VOPP1: variants seen among roughly 807,000 people sequenced by gnomAD.
VOPP1 encodes the protein VOPP1 WW domain binding protein, also known as WW domain binding protein VOPP1.
In VOPP1, 8 loss-of-function variants were observed where a neutral mutation model predicts 23.5. The ratio of observed to expected loss-of-function variants is 0.34; its 90% CI spans 0.20 to 0.61. VOPP1 has a LOEUF of 0.61. Ranked by LOEUF, VOPP1 falls within the 20% of genes least tolerant of loss-of-function variation. The pLI is 0.78. For missense variants in VOPP1, 174 were observed against 238.1 expected (o/e 0.73, Z 1.77); for synonymous variants, 83 against 97.3 (o/e 0.85, Z 0.86).
intron 1 of VOPP1, among the ~76,000 whole-genome samples, chr7:55,559,503 T>C (rs1797915072): frequency 6.6e-6 from 1 of 152,144 alleles, no homozygotes; most frequent in African/African-American, 2.4e-5. Flanking sequence ...TCCAGCTCCT[T>C]TTCTGCCAGG....
chr7:55,508,983 C>A (rs1794905169), intron 2 of VOPP1, among the ~76,000 whole-genome samples: 1 of 152,194 alleles, frequency 6.6e-6, no homozygotes, highest in Admixed American at 6.5e-5. Context: ...TTTGAGGCTG[C>A]AGTGAGCTAG....
At chr7:55,570,914 C>G (rs1214541165) in intron 1 of VOPP1, among the ~76,000 whole-genome samples, 1 of 151,916 alleles carries the variant, frequency 6.6e-6, no homozygotes, top group Middle Eastern at 3.2e-3. Context: ...AGCACTCAAG[C>G]CTGGGCCACA....
chr7:55,538,276 C>A (rs1168129669), intron 1 of VOPP1, among the ~76,000 whole-genome samples: 1 of 152,242 alleles, frequency 6.6e-6, no homozygotes, highest in Non-Finnish European at 1.5e-5. Flanking sequence ...TAGGAACTCT[C>A]TTCTCCAACT....
chr7:55,458,929 GA>G (rs1791433607), intron 4 of VOPP1, among the ~76,000 whole-genome samples: 1 of 152,152 alleles, frequency 6.6e-6, no homozygotes, highest in Non-Finnish European at 1.5e-5. Context: ...TAAGAGTGGT[GA>G]ATGTGGGCAT....
At chr7:55,540,398 A>AAAATAAATAAAT (rs200219554) in intron 1 of VOPP1, among the ~76,000 whole-genome samples, 1,726 of 141,852 alleles carry the variant, frequency 0.012, 10 homozygotes, top group Middle Eastern at 0.022. Context: ...CTCTGTCTCA[A>AAAATAAATAAAT]AAATAAATAA....
chr7:55,521,218 G>A (rs1363185062), intron 1 of VOPP1, 88 bp from the exon 2 acceptor site: 7 of 1,348,910 alleles, frequency 5.2e-6, no homozygotes, highest in Non-Finnish European at 7.2e-6. Flanking sequence ...AGAAGGATGA[G>A]AAGACACAGC....
chr7:55,462,411 G>T lies in VOPP1; in HGVS notation n.418-26237C>A, dbSNP rs1583815958. ...TGTCTAGATCTCTTCCAAGATGTAG[G>T]AAGTTTTCAGCTATTATTTCATTAA... is the stretch of plus-strand genomic sequence containing the variant. On this transcript the variant is annotated intron_variant and non_coding_transcript_variant, in intron 4 of 4. Coordinates refer to the VOPP1 transcript ENST00000462326. 9.9e-5 allele frequency among the ~76,000 whole-genome samples: 15 copies of T among 152,226 alleles called. No individual in the cohort carries two copies. The South Asian group carries it at 3.1e-3, about 32-fold the overall frequency.
chr7:55,467,318 G>A (rs1364606157), downstream of VOPP1, among the ~76,000 whole-genome samples: 1 of 152,228 alleles, frequency 6.6e-6, no homozygotes, highest in Admixed American at 6.5e-5. Context: ...GGGGTGAGGG[G>A]CAGGAGGGAG....
intron 1 of VOPP1, chr7:55,539,404 A>C (rs966181755): frequency 1.3e-5 from 2 of 152,194 alleles, no homozygotes; most frequent in Non-Finnish European, 2.9e-5. Context: ...AAAACCACCA[A>C]ATCAATTATC....
chr7:55,493,591 T>G (rs372126155), intron 3 of VOPP1, among the ~76,000 whole-genome samples: 202 of 152,288 alleles, frequency 1.3e-3, no homozygotes, highest in African/African-American at 4.5e-3. Context: ...ACTGTGGCCT[T>G]TGTCATCTGC....
chr7:55,465,399 G>C (rs749354732), intron 4 of VOPP1, among the ~76,000 whole-genome samples: 1 of 152,214 alleles, frequency 6.6e-6, no homozygotes, highest in African/African-American at 2.4e-5. Flanking sequence ...GTGATGTGTG[G>C]AGTGGTGATG....
intron 4 of VOPP1, among the ~76,000 whole-genome samples, chr7:55,488,701 G>A (rs1007476958): frequency 1.3e-5 from 2 of 152,052 alleles, no homozygotes; most frequent in African/African-American, 2.4e-5. Context: ...CAGTGGGTGA[G>A]TCTGGGTCCT....
chr7:55,435,510 G>A (rs906826071), downstream of VOPP1, among the ~76,000 whole-genome samples: 3 of 152,338 alleles, frequency 2.0e-5, no homozygotes, highest in East Asian at 5.8e-4. Flanking sequence ...GTGCCTGTCA[G>A]CCTCTTCTCT....
At chr7:55,500,762 C>A (rs1435272374) in intron 2 of VOPP1, among the ~76,000 whole-genome samples, 3 of 152,186 alleles carry the variant, frequency 2.0e-5, no homozygotes, top group Non-Finnish European at 4.4e-5. Context: ...ATTATTAGTG[C>A]CATGTTTGAA....
intron 1 of VOPP1, among the ~76,000 whole-genome samples, chr7:55,527,598 C>T (rs548485741): frequency 6.6e-5 from 10 of 152,264 alleles, no homozygotes; most frequent in African/African-American, 2.2e-4. Flanking sequence ...GGGGAGGAGA[C>T]CTCCTCATGG....
intron 4 of VOPP1, among the ~76,000 whole-genome samples, chr7:55,437,239 G>A (rs1026604561): frequency 5.3e-5 from 8 of 152,280 alleles, no homozygotes; most frequent in Admixed American, 2.0e-4. Flanking sequence ...CCTGGCTCCC[G>A]AGGAGTCCCC....
intron 1 of VOPP1, among the ~76,000 whole-genome samples, chr7:55,544,510 T>C (rs1584090776): frequency 6.6e-6 from 1 of 152,154 alleles, no homozygotes; most frequent in African/African-American, 2.4e-5. Context: ...AAAGATAGTG[T>C]TTCTTGAAAA....
intron 4 of VOPP1, among the ~76,000 whole-genome samples, chr7:55,479,998 G>A (rs1418561452): frequency 6.6e-6 from 1 of 152,098 alleles, no homozygotes. Context: ...AAAATAAAAC[G>A]ATCTTTTGTT....
At chr7:55,537,552 AG>A in intron 1 of VOPP1, 1 of 1,535,992 alleles carries the variant, frequency 6.5e-7, no homozygotes, top group Non-Finnish European at 8.7e-7. Flanking sequence ...GGATGCAGGC[AG>A]CGCACCTCCT....
Sources: allele counts gnomAD v4.1 joint callset (sites outside exome capture counted in the v4.1 genomes callset), GRCh38; gene constraint gnomAD v4.1.1; transcripts MANE v1.5; gene names NCBI Gene and HGNC (gene_info 2026-07-23, HGNC 2026-07-21).